The following HEATR4 variants were observed in gnomAD, a reference collection of about 807,000 sequenced individuals.
HEATR4 encodes the protein HEAT repeat containing 4, also known as HEAT repeat-containing protein 4.
HEATR4 carries 95 observed loss-of-function variants against 108.8 expected under a neutral mutation model. The observed-to-expected ratio is 0.87, with a 90% CI of 0.74 to 1.04. The LOEUF (loss-of-function observed/expected upper bound fraction) is 1.04, where lower values mean the gene tolerates loss of function less well. HEATR4 is among the 50% of genes least tolerant of loss of function. HEATR4 has a pLI of 0.00. For synonymous variants in HEATR4, 443 were observed against 459.4 expected, an observed-to-expected ratio of 0.96 and a Z score of 0.46; for missense variants, 1,152 against 1,253.8, an observed-to-expected ratio of 0.92 and a Z score of 1.23.
the HEATR4 span, chr14:73,616,826 T>G: frequency 1.8e-6 from 1 of 548,162 alleles, no homozygotes; most frequent in Non-Finnish European, 3.2e-6. Flanking sequence ...GTACCCAATA[T>G]GTAGTTTTTT....
chr14:73,516,800 G>A (rs1371733888), intron 5 of HEATR4, among the ~76,000 whole-genome samples: 3 of 152,164 alleles, frequency 2.0e-5, no homozygotes, highest in Non-Finnish European at 4.4e-5. Flanking sequence ...ACTGTGAACT[G>A]CACATGTGAG....
the HEATR4 span, chr14:73,592,363 G>A: frequency 6.3e-6 from 10 of 1,582,026 alleles, no homozygotes; most frequent in Admixed American, 1.8e-5. Context: ...CCAGGGGTGC[G>A]GCGCCAGTCG....
At chr14:73,573,488 G>A in the HEATR4 span, 1 of 1,613,668 alleles carries the variant, frequency 6.2e-7, no homozygotes, top group Non-Finnish European at 8.5e-7. Flanking sequence ...TTGCTGTGAT[G>A]GCTCTGGCTT....
chr14:73,560,278 C>T (rs1191675121), upstream of HEATR4, among the ~76,000 whole-genome samples: 3 of 152,028 alleles, frequency 2.0e-5, no homozygotes. Context: ...TGCTGCTGAC[C>T]AACCTGAATA....
At chr14:73,535,465 C>CTTTTTTTTTTTTTTTTT (rs1888827549) in intron 1 of HEATR4, among the ~76,000 whole-genome samples, 1 of 15,806 alleles carries the variant, frequency 6.3e-5, no homozygotes, top group Non-Finnish European at 2.5e-4. Flanking sequence ...TCTTTTTCTT[C>CTTTTTTTTTTTTTTTTT]TTTCTTTTTT....
At chr14:73,501,347 G>C (rs1381654580) in intron 11 of HEATR4, among the ~76,000 whole-genome samples, 2 of 152,030 alleles carry the variant, frequency 1.3e-5, no homozygotes, top group South Asian at 4.1e-4. Flanking sequence ...GGATGGTCTT[G>C]ATCTCCTGAC....
In HEATR4 at chr14:73,558,945, T is replaced by A. The variant is rs1236367818; in HGVS notation, c.-346A>T. 1 of 151,760 alleles carries A rather than the reference T, an allele frequency of 6.6e-6. No individual in the cohort carries two copies. Among genetic ancestry groups the A allele is most frequent in the African/African-American group, 2.4e-5 (1 of 41,284 alleles). 9.4% of individuals were successfully genotyped at this position (151,760 alleles called of 1,614,324 possible). The stretch of plus-strand genomic sequence containing the variant: ...TTAAGCCTTCCTTGGTTTCTTAGGT[T>A]CCAAAGCTGTTTCTATCAGTCTCCA... On this transcript the variant is annotated 5_prime_UTR_variant, in exon 1 of 18. Coordinates refer to ENST00000553558, the MANE Select transcript of HEATR4 (RefSeq NM_001220484.1).
intron 9 of HEATR4, 22 bp from the exon 10 acceptor site, chr14:73,506,593 A>G (rs778798021): frequency 3.9e-6 from 6 of 1,541,898 alleles, no homozygotes; most frequent in East Asian, 2.2e-5. Context: ...GAAGACTTGT[A>G]TGGATATTCA....
chr14:73,601,078 T>C, the HEATR4 span, among the ~76,000 whole-genome samples: 40 of 151,758 alleles, frequency 2.6e-4, no homozygotes, highest in Admixed American at 2.5e-3. Context: ...GAGATGGAAA[T>C]TGCAGTAAGC....
chr14:73,577,738 G>T, the HEATR4 span, among the ~76,000 whole-genome samples: 1 of 152,030 alleles, frequency 6.6e-6, no homozygotes, highest in African/African-American at 2.4e-5. Context: ...GAGCTGGTGG[G>T]TGTAGAAGCA....
the HEATR4 span, among the ~76,000 whole-genome samples, chr14:73,600,436 T>C: frequency 1.6e-4 from 25 of 152,156 alleles, no homozygotes; most frequent in African/African-American, 6.0e-4. Context: ...ACTGGAATTA[T>C]TCTTCAGCCA....
chr14:73,606,417 C>T, the HEATR4 span, among the ~76,000 whole-genome samples: 3 of 152,074 alleles, frequency 2.0e-5, no homozygotes, highest in Non-Finnish European at 2.9e-5. Flanking sequence ...CTCAAACACT[C>T]GGGGAGACTG....
chr14:73,569,823 G>C, the HEATR4 span: 10 of 1,600,296 alleles, frequency 6.2e-6, no homozygotes, highest in Non-Finnish European at 8.5e-6. Flanking sequence ...CCTCCCGCCC[G>C]GGGTGCGGCG....
At chr14:73,500,422 C>T in intron 12 of HEATR4, 128 bp downstream of exon 12, 1 of 1,009,620 alleles carries the variant, frequency 9.9e-7, no homozygotes, top group African/African-American at 1.6e-5. Flanking sequence ...GGCTTATACA[C>T]CCCCTTCCCA....
intron 1 of HEATR4, chr14:73,537,824 C>A: frequency 8.3e-7 from 1 of 1,204,688 alleles, no homozygotes; most frequent in Non-Finnish European, 1.1e-6. Flanking sequence ...GCCCGGGGTG[C>A]GGCGCGAGCC....
intron 11 of HEATR4, among the ~76,000 whole-genome samples, 195 bp from the exon 12 acceptor site, chr14:73,500,925 T>G (rs926561658): frequency 5.3e-5 from 8 of 152,198 alleles, no homozygotes; most frequent in Non-Finnish European, 7.3e-5. Context: ...TACATAGCTG[T>G]TCAGTAATTA....
the HEATR4 span, among the ~76,000 whole-genome samples, chr14:73,564,721 G>GTT: frequency 4.7e-3 from 391 of 83,526 alleles, 52 homozygotes; most frequent in Non-Finnish European, 5.8e-3. Flanking sequence ...TATCTTTTCT[G>GTT]TTTTTTGTTT....
chr14:73,633,379 G>T, the HEATR4 span, among the ~76,000 whole-genome samples: 1 of 152,096 alleles, frequency 6.6e-6, no homozygotes, highest in African/African-American at 2.4e-5. Flanking sequence ...TCCCCGCTGG[G>T]CTCGTTTTAG....
chr14:73,566,552 A>T, the HEATR4 span, among the ~76,000 whole-genome samples: 1 of 152,184 alleles, frequency 6.6e-6, no homozygotes, highest in Non-Finnish European at 1.5e-5. Flanking sequence ...GGGACCCAGC[A>T]CACCCTCCGC....
Sources: allele counts gnomAD v4.1 joint callset (sites outside exome capture counted in the v4.1 genomes callset), GRCh38; gene constraint gnomAD v4.1.1; transcripts MANE v1.5; gene names NCBI Gene and HGNC (gene_info 2026-07-23, HGNC 2026-07-21).